The following RBFOX3 variants were observed in gnomAD, a reference collection of about 807,000 sequenced individuals.
The protein encoded by RBFOX3 is RNA binding fox-1 homolog 3, also known as RNA binding protein fox-1 homolog 3.
RBFOX3 carries 17 observed loss-of-function variants against 48.7 expected under a neutral mutation model. That is an observed-to-expected ratio of 0.35 (90% CI 0.24 to 0.52). The LOEUF is 0.52. RBFOX3 is among the 20% of genes least tolerant of loss of function. The pLI, the probability that RBFOX3 is intolerant of heterozygous loss-of-function variation, is 0.94. For synonymous variants in RBFOX3, 212 were observed against 209.5 expected (o/e 1.01, Z -0.10); for missense variants, 382 against 497.5 (o/e 0.77, Z 2.21).
chr17:79,098,515 C>G (rs2075821555), intron 9 of RBFOX3: 1 of 152,320 alleles, frequency 6.6e-6, no homozygotes, highest in Admixed American at 6.5e-5. Context: ...ACAGCAACCT[C>G]CCGTCAGCAG....
intron 3 of RBFOX3, among the ~76,000 whole-genome samples, chr17:79,290,650 C>T (rs1301736887): frequency 6.6e-6 from 1 of 152,170 alleles, no homozygotes; most frequent in African/African-American, 2.4e-5. Flanking sequence ...TGAGGTCAGG[C>T]CCGAGGGAAA....
At position 79,535,693 on chromosome 17, in the gene RBFOX3, T is replaced by C. The variant is rs1245427737; in HGVS notation, c.-319-53095A>G. Among the ~76,000 whole-genome samples, 1 of 152,138 alleles carries C rather than the reference T, an allele frequency of 6.6e-6. No individual in the cohort carries two copies. The highest frequency in any genetic ancestry group is 2.4e-5 in the African/African-American group (1 of 41,436). ...GCGCAGCCAGGCAAGGTTGCCTGTGTTGGGGACAGTCAATCGGACATAGGA... is the reference window on the plus strand; with the variant it reads ...GCGCAGCCAGGCAAGGTTGCCTGTGCTGGGGACAGTCAATCGGACATAGGA... On this transcript the variant is annotated intron_variant, in intron 1 of 14. Transcript: ENST00000693108. This position sits in a 1 kb window ranked among gnomAD's most constrained non-coding sequence, Gnocchi z 4.5.
intron 2 of RBFOX3, among the ~76,000 whole-genome samples, chr17:79,329,550 A>G (rs1393345694): frequency 6.6e-6 from 1 of 152,108 alleles, no homozygotes; most frequent in African/African-American, 2.4e-5. Context: ...ACCTGAAATT[A>G]TTCCACACCG....
intron 6 of RBFOX3, among the ~76,000 whole-genome samples, 194 bp downstream of exon 6, chr17:79,106,457 C>G (rs905886007): frequency 6.6e-6 from 1 of 151,896 alleles, no homozygotes; most frequent in Non-Finnish European, 1.5e-5. Flanking sequence ...TCCCCGCCAC[C>G]GTCCCAGCAG....
chr17:79,422,569 G>A (rs1017685173), intron 2 of RBFOX3, among the ~76,000 whole-genome samples: 7 of 152,224 alleles, frequency 4.6e-5, no homozygotes, highest in African/African-American at 7.2e-5. Flanking sequence ...GCAGACACTC[G>A]GTCTGGGCAA....
At position 79,535,887 on chromosome 17, in the gene RBFOX3, T is replaced by G. The variant is rs2088640986; in HGVS notation, c.-319-53289A>C. Among the ~76,000 whole-genome samples, 1 of 152,124 alleles carries G rather than the reference T, an allele frequency of 6.6e-6. No homozygotes were observed. Among genetic ancestry groups the G allele is most frequent in the Admixed American group, 6.5e-5 (1 of 15,268 alleles). On this transcript the variant is annotated intron_variant, in intron 1 of 14. Transcript: ENST00000693108. This position sits in a 1 kb window ranked among gnomAD's most constrained non-coding sequence, Gnocchi z 4.5. Reference sequence around the variant, plus strand: ...GTCACAAACCCACTCCTGGTTTCCCTGCACCTCCCCCAGCCACTGCACCCC... The same window carrying G: ...GTCACAAACCCACTCCTGGTTTCCCGGCACCTCCCCCAGCCACTGCACCCC...
intron 4 of RBFOX3, among the ~76,000 whole-genome samples, chr17:79,124,577 G>A (rs2036646862): frequency 2.0e-5 from 3 of 152,344 alleles, no homozygotes; most frequent in Admixed American, 1.3e-4. Context: ...TAATGTCCAC[G>A]TGTCTGGCAA....
At chr17:79,137,629 T>A (rs1417862309) in intron 4 of RBFOX3, among the ~76,000 whole-genome samples, 1 of 151,992 alleles carries the variant, frequency 6.6e-6, no homozygotes, top group Non-Finnish European at 1.5e-5. Flanking sequence ...GCCAAGCTGC[T>A]GGCGCCTGGC....
At chr17:79,656,658 A>AGGAGGGAAGGAAGGAAGGAAG in the RBFOX3 span, among the ~76,000 whole-genome samples, 2 of 144,394 alleles carry the variant, frequency 1.4e-5, no homozygotes, top group African/African-American at 5.4e-5. Flanking sequence ...AAAGAAAGGA[A>AGGAGGGAAGGAAGGAAGGAAG]GAGAAGAAAG....
At chr17:79,163,854 C>T (rs1213843388) in intron 4 of RBFOX3, among the ~76,000 whole-genome samples, 1 of 152,176 alleles carries the variant, frequency 6.6e-6, no homozygotes, top group Middle Eastern at 3.2e-3. Context: ...AGATGGTGTC[C>T]AGACAGGCCT....
Position 79,477,549 on chromosome 17 carries a change from C to T in RBFOX3, c.-175+4905G>A, listed in dbSNP as rs1202104594. Among the ~76,000 whole-genome samples the T allele has an allele frequency of 1.4e-5, 2 of 145,272 alleles. No homozygotes were observed. The highest frequency in any genetic ancestry group is 4.6e-4 in the South Asian group (2 of 4,308). ...CCAGCCTGGGCGACAGAGCGAAACT[C>T]CGTCACCGGAAAAAAAAAAAGAGGA... is the stretch of plus-strand genomic sequence containing the variant. On this transcript the variant is annotated intron_variant, in intron 2 of 14. Coordinates refer to ENST00000693108, the MANE Select transcript of RBFOX3 (RefSeq NM_001350451.2). This position sits in a 1 kb window ranked among gnomAD's most constrained non-coding sequence, Gnocchi z 4.8.
At chr17:79,112,580 G>A (rs529656391) in intron 5 of RBFOX3, among the ~76,000 whole-genome samples, 2 of 152,246 alleles carry the variant, frequency 1.3e-5, no homozygotes, top group South Asian at 2.1e-4. Flanking sequence ...CTCTCCCATC[G>A]ACGCCATCAG....
intron 4 of RBFOX3, among the ~76,000 whole-genome samples, chr17:79,187,575 C>T (rs1477738188): frequency 2.0e-5 from 3 of 152,184 alleles, no homozygotes; most frequent in Non-Finnish European, 4.4e-5. Flanking sequence ...AGAACTAGAT[C>T]TCCACAGTGG....
At chr17:79,491,697 T>G (rs2080688568) in intron 1 of RBFOX3, among the ~76,000 whole-genome samples, 1 of 152,170 alleles carries the variant, frequency 6.6e-6, no homozygotes, top group Non-Finnish European at 1.5e-5. Context: ...GAAATTGCAG[T>G]GCAGGGGCCT....
chr17:79,587,766 A>C (rs887144683), intron 1 of RBFOX3, among the ~76,000 whole-genome samples: 50 of 152,202 alleles, frequency 3.3e-4, no homozygotes, highest in Non-Finnish European at 6.2e-4. Flanking sequence ...GGCAGGGGGA[A>C]AGGCTGTGGG....
In RBFOX3 at chr17:79,379,929, C is replaced by T. The variant is rs554199423; in HGVS notation, c.-174-72105G>A. Among the ~76,000 whole-genome samples, 39 of 152,288 alleles carry T rather than the reference C, an allele frequency of 2.6e-4. 2 individuals are homozygous for T. In the East Asian group the frequency reaches 6.6e-3, roughly 26 times the overall value. Reference sequence around the variant, plus strand: ...GTGCGTCCTGCAGCTCCTCCTGCCGCGGCCTCTCCCGCACCCTCCTTGGTA... The same window carrying T: ...GTGCGTCCTGCAGCTCCTCCTGCCGTGGCCTCTCCCGCACCCTCCTTGGTA... On this transcript the variant is annotated intron_variant, in intron 2 of 14. Coordinates refer to ENST00000693108, the MANE Select transcript of RBFOX3 (RefSeq NM_001350451.2).
chr17:79,320,051 T>G (rs1445935971), intron 2 of RBFOX3, among the ~76,000 whole-genome samples: 1 of 152,052 alleles, frequency 6.6e-6, no homozygotes, highest in South Asian at 2.1e-4. Flanking sequence ...GGGCTGTTGG[T>G]CTTGTCCAGG....
intron 3 of RBFOX3, among the ~76,000 whole-genome samples, chr17:79,297,224 C>T (rs1050399722): frequency 6.6e-6 from 1 of 152,168 alleles, no homozygotes; most frequent in Non-Finnish European, 1.5e-5. Context: ...AAACAGCTAA[C>T]ACCCTGGACT....
intron 4 of RBFOX3, among the ~76,000 whole-genome samples, chr17:79,165,462 G>A: frequency 6.6e-6 from 1 of 152,212 alleles, no homozygotes; most frequent in East Asian, 1.9e-4. Context: ...GGAGGGCACA[G>A]CGGGGTCCCA....
Sources: gnomAD v4.1 joint callset for allele counts (sites outside exome capture counted in the v4.1 genomes callset) on GRCh38, gnomAD v4.1.1 for gene constraint, Gnocchi (gnomAD v3.1) non-coding constraint, MANE v1.5 for transcripts, NCBI Gene and HGNC (gene_info 2026-07-23, HGNC 2026-07-21) for gene names.